Variants in CHSY3 observed in about 807,000 individuals in gnomAD.
CHSY3 encodes N-acetylgalactosaminyl-proteoglycan 3-beta-glucuronosyltransferase 3.
In CHSY3, 35 loss-of-function variants were observed where a neutral mutation model predicts 67.2. The observed-to-expected ratio is 0.52, with a 90% CI of 0.40 to 0.69. The LOEUF (loss-of-function observed/expected upper bound fraction) is 0.69, where lower values mean the gene tolerates loss of function less well. Ranked by LOEUF, CHSY3 falls within the 30% of genes least tolerant of loss-of-function variation. The pLI is 0.00. For synonymous variants in CHSY3, 474 were observed against 434.7 expected, an observed-to-expected ratio of 1.09 and a Z score of -1.12; for missense variants, 1,069 against 1,138.5, an observed-to-expected ratio of 0.94 and a Z score of 0.88.
rs1762900192 is a variant in CHSY3 at position 129,979,185 on chromosome 5, G to T, written c.1086+70825G>T. Among the ~76,000 whole-genome samples the T allele has an allele frequency of 3.6e-5, 4 of 111,966 alleles. No individual in the cohort carries two copies. In the South Asian group the frequency reaches 1.2e-3, roughly 33 times the overall value. 73.5% of individuals were successfully genotyped at this position (111,966 alleles called of 152,430 possible). A position where few individuals can be genotyped will look rare whatever the true frequency, so the allele number is the denominator to read the frequency against. On this transcript the variant is annotated intron_variant, in intron 2 of 2. Coordinates refer to ENST00000305031, the MANE Select transcript of CHSY3 (RefSeq NM_175856.5). ...CCTGCACTCCAGCCTGGGTGAGACA[G>T]CGAGACTCCGTCTCAAAAAAAAAAA...
chr5:130,049,206 T>C (rs1765250754), intron 2 of CHSY3, among the ~76,000 whole-genome samples: 1 of 152,098 alleles, frequency 6.6e-6, no homozygotes, highest in Non-Finnish European at 1.5e-5. Context: ...AAATAAAAGA[T>C]AAAATATGAC....
At chr5:130,156,625 C>T (rs887827495) in intron 2 of CHSY3, among the ~76,000 whole-genome samples, 8 of 152,178 alleles carry the variant, frequency 5.3e-5, no homozygotes, top group African/African-American at 1.9e-4. Flanking sequence ...AGCATCAACA[C>T]CCTTCCACTC....
intron 2 of CHSY3, among the ~76,000 whole-genome samples, chr5:130,155,976 A>C (rs1349333818): frequency 6.6e-6 from 1 of 152,222 alleles, no homozygotes; most frequent in African/African-American, 2.4e-5. Context: ...TTAGCATTTG[A>C]GAGCAGCTGT....
chr5:129,926,861 ACT>A lies in CHSY3; in HGVS notation c.1086+18502_1086+18503del, dbSNP rs1561458225. Among the ~76,000 whole-genome samples, 32 of 152,020 alleles carry A rather than the reference ACT, an allele frequency of 2.1e-4. No homozygotes were observed. In the South Asian group the frequency reaches 6.4e-3, roughly 31 times the overall value. The stretch of plus-strand genomic sequence containing the variant: ...TACATAATATTTATATATTCAATTC[ACT>A]AACTTCTGCATGTCGATTGTCTAAC... On this transcript the variant is annotated intron_variant, in intron 2 of 2. Coordinates refer to ENST00000305031, the MANE Select transcript of CHSY3 (RefSeq NM_175856.5).
intron 2 of CHSY3, among the ~76,000 whole-genome samples, chr5:129,983,642 T>C (rs1344850440): frequency 6.6e-6 from 1 of 151,974 alleles, no homozygotes; most frequent in Non-Finnish European, 1.5e-5. Context: ...AGAGAGAGGG[T>C]AGATACTAAT....
intron 2 of CHSY3, among the ~76,000 whole-genome samples, chr5:130,157,123 T>C (rs1163856345): frequency 6.6e-6 from 1 of 152,206 alleles, no homozygotes; most frequent in African/African-American, 2.4e-5. Context: ...AGTTGACTTC[T>C]CTCTCCCATT....
intron 2 of CHSY3, among the ~76,000 whole-genome samples, chr5:130,022,641 T>C (rs1580658955): frequency 6.6e-6 from 1 of 151,984 alleles, no homozygotes; most frequent in Non-Finnish European, 1.5e-5. Context: ...AGTGAAATGA[T>C]AAACTTAATA....
chr5:130,070,061 A>T (rs1032623785), intron 2 of CHSY3, among the ~76,000 whole-genome samples: 1 of 152,090 alleles, frequency 6.6e-6, no homozygotes, highest in Non-Finnish European at 1.5e-5. Context: ...CACAGAAAAG[A>T]TCACATATCT....
chr5:130,140,115 A>T lies in CHSY3; in HGVS notation c.1087-44114A>T, dbSNP rs1336357038. The T allele has an allele frequency of 4.1e-5, 9 of 218,806 alleles. No individual in the cohort carries two copies. The Admixed American group carries it at 4.7e-4, about 11-fold the overall frequency. The allele number at this position is 218,806 out of a possible 1,614,324, so 13.6% of individuals were successfully genotyped here. A position where few individuals can be genotyped will look rare whatever the true frequency, so the allele number is the denominator to read the frequency against. ...TTTCCAGCATGAACAAGTAGAGATA[A>T]TTGCCAATGATCAGGGAAGCGGAGC... On this transcript the variant is annotated intron_variant, in intron 2 of 2. Coordinates refer to ENST00000305031, the MANE Select transcript of CHSY3 (RefSeq NM_175856.5).
In CHSY3 at chr5:130,097,357, G is replaced by A. The variant is rs143746066; in HGVS notation, c.1087-86872G>A. ...AAGAAAGACTTCTACCCTGTTTTTC[G>A]CCTCCCTCTGTGAGCAGCCTCAGGG... On this transcript the variant is annotated intron_variant, in intron 2 of 2. Coordinates refer to ENST00000305031, the MANE Select transcript of CHSY3 (RefSeq NM_175856.5). 4.3e-3 allele frequency among the ~76,000 whole-genome samples: 660 copies of A among 152,216 alleles called. 16 individuals are homozygous for A. The highest frequency in any genetic ancestry group is 0.031 in the Admixed American group (470 of 15,294).
chr5:129,904,296 A>G (rs1396467271), upstream of CHSY3, among the ~76,000 whole-genome samples: 3 of 149,540 alleles, frequency 2.0e-5, no homozygotes, highest in African/African-American at 5.0e-5. Flanking sequence ...GGGGCGTCCA[A>G]GGGCGGGTGA....
At chr5:129,920,994 T>A (rs1001583511) in intron 2 of CHSY3, among the ~76,000 whole-genome samples, 2 of 152,098 alleles carry the variant, frequency 1.3e-5, no homozygotes, top group Non-Finnish European at 2.9e-5. Flanking sequence ...AACTTTTTTA[T>A]TTTTTTGTAG....
chr5:130,030,076 T>C (rs1349650799), intron 2 of CHSY3, among the ~76,000 whole-genome samples: 2 of 152,138 alleles, frequency 1.3e-5, no homozygotes, highest in African/African-American at 2.4e-5. Context: ...ATTATTTTCT[T>C]ATTTCTTTTC....
chr5:129,995,834 T>A (rs1161702492), intron 2 of CHSY3, among the ~76,000 whole-genome samples: 2 of 151,966 alleles, frequency 1.3e-5, no homozygotes, highest in African/African-American at 4.8e-5. Flanking sequence ...CTTCCCTGTG[T>A]CTTCTTTCTC....
At chr5:130,081,312 C>T (rs1766438418) in intron 2 of CHSY3, among the ~76,000 whole-genome samples, 1 of 136,786 alleles carries the variant, frequency 7.3e-6, no homozygotes, top group Admixed American at 8.4e-5. Context: ...ACAGGATAGA[C>T]AGGTGTGTGT....
chr5:130,089,201 A>T (rs1347899320), intron 2 of CHSY3, among the ~76,000 whole-genome samples: 62 of 123,380 alleles, frequency 5.0e-4, no homozygotes, highest in Non-Finnish European at 1.9e-4. Context: ...GAAGGGGAAC[A>T]TCACACTCTG....
intron 2 of CHSY3, among the ~76,000 whole-genome samples, chr5:130,022,023 C>T (rs1764407582): frequency 6.6e-6 from 1 of 151,994 alleles, no homozygotes. Flanking sequence ...TGAATTAGGT[C>T]ATTTGCTGGG....
intron 2 of CHSY3, among the ~76,000 whole-genome samples, chr5:129,933,164 A>G (rs1761373353): frequency 6.6e-6 from 1 of 152,190 alleles, no homozygotes. Flanking sequence ...CTGATGAGCC[A>G]TCAAACAAAG....
chr5:130,082,779 C>G (rs551416931), intron 2 of CHSY3, among the ~76,000 whole-genome samples: 3 of 151,918 alleles, frequency 2.0e-5, no homozygotes, highest in South Asian at 2.1e-4. Context: ...TTCACAGTGA[C>G]AGAAATGGAG....
Sources: allele counts gnomAD v4.1 joint callset (sites outside exome capture counted in the v4.1 genomes callset), GRCh38; gene constraint gnomAD v4.1.1; transcripts MANE v1.5; gene names NCBI Gene and HGNC (gene_info 2026-07-23, HGNC 2026-07-21).